The following UBE2D1 variants were observed in gnomAD, a reference collection of about 807,000 sequenced individuals.
The protein encoded by UBE2D1 is ubiquitin conjugating enzyme E2 D1, also known as ubiquitin-conjugating enzyme E2 D1.
Under a neutral mutation model 24.6 loss-of-function variants are expected in UBE2D1, and 9 were observed. That is an observed-to-expected ratio of 0.37 (90% CI 0.22 to 0.64). UBE2D1 has a LOEUF of 0.64. Among genes scored for constraint, UBE2D1 ranks in the 30% least tolerant of loss-of-function variants. The pLI is 0.64. For synonymous variants in UBE2D1, 57 were observed against 57.6 expected, an observed-to-expected ratio of 0.99 and a Z score of 0.04; for missense variants, 87 against 177.1, an observed-to-expected ratio of 0.49 and a Z score of 2.89.
intron 1 of UBE2D1, among the ~76,000 whole-genome samples, chr10:58,342,672 T>A (rs1254880716): frequency 6.6e-6 from 1 of 151,992 alleles, no homozygotes; most frequent in Non-Finnish European, 1.5e-5. Flanking sequence ...TCTTTGACCC[T>A]TGGATTATTT....
intron 1 of UBE2D1, among the ~76,000 whole-genome samples, chr10:58,352,236 C>T (rs1231159175): frequency 6.6e-6 from 1 of 151,976 alleles, no homozygotes; most frequent in Non-Finnish European, 1.5e-5. Flanking sequence ...AAAGTGGAAG[C>T]ACTTTTGTTT....
chr10:58,368,942 A>G lies in UBE2D1; in HGVS notation c.*177A>G. 7.7e-6 allele frequency: 3 copies of G among 387,748 alleles called. No individual in the cohort carries two copies. The highest frequency in any genetic ancestry group is 3.8e-5 in the East Asian group (1 of 26,514). 24.0% of individuals were successfully genotyped at this position (387,748 alleles called of 1,614,324 possible). A position where few individuals can be genotyped will look rare whatever the true frequency, so the allele number is the denominator to read the frequency against. ...ACAAACTTCCAAAAATACCCTTAAG[A>G]CTGTGATGAGAGCATTTATCATTTT... is the stretch of plus-strand genomic sequence containing the variant. On this transcript the variant is annotated 3_prime_UTR_variant, in exon 7 of 7. Coordinates refer to ENST00000373910, the MANE Select transcript of UBE2D1 (RefSeq NM_003338.5).
chr10:58,359,174 GTT>G (rs1043824951), intron 1 of UBE2D1, among the ~76,000 whole-genome samples: 3 of 151,970 alleles, frequency 2.0e-5, no homozygotes, highest in Admixed American at 6.6e-5. Flanking sequence ...CCTCCTTCTT[GTT>G]TGTCTCTATT....
Position 58,355,159 on chromosome 10 carries a change from AT to A in UBE2D1, c.25-6177del, listed in dbSNP as rs1329569202. ...GATAACATCTGAGTTTTATTATGAAATTAATTTTGATCTCATAGACTTCCTG... is the reference window on the plus strand; with the variant it reads ...GATAACATCTGAGTTTTATTATGAAATAATTTTGATCTCATAGACTTCCTG... On this transcript the variant is annotated intron_variant, in intron 1 of 6. Coordinates refer to ENST00000373910, the MANE Select transcript of UBE2D1 (RefSeq NM_003338.5). Among the ~76,000 whole-genome samples, 6 of 152,328 alleles carry A rather than the reference AT, an allele frequency of 3.9e-5. No individual in the cohort carries two copies. In the East Asian group the frequency reaches 1.2e-3, roughly 29 times the overall value.
intron 4 of UBE2D1, 62 bp downstream of exon 4, chr10:58,363,748 C>A: frequency 1.6e-6 from 2 of 1,253,286 alleles, no homozygotes; most frequent in Non-Finnish European, 2.3e-6. Context: ...TTATCTAGAG[C>A]TCATTTGATT....
chr10:58,363,742 C>T (rs1840225296), intron 4 of UBE2D1, 56 bp downstream of exon 4: 13 of 1,314,788 alleles, frequency 9.9e-6, no homozygotes, highest in Non-Finnish European at 7.5e-6. Context: ...TATTCTTTAT[C>T]TAGAGCTCAT....
chr10:58,364,058 A>G (rs907709053), intron 4 of UBE2D1, among the ~76,000 whole-genome samples: 3 of 151,760 alleles, frequency 2.0e-5, no homozygotes, highest in South Asian at 2.1e-4. Flanking sequence ...TTCAATAAAC[A>G]TTCACCGAGT....
rs1239585092 is a variant in UBE2D1 at position 58,361,373 on chromosome 10, C to T, written c.60C>T (p.His20=). The change falls in exon 2 of 7, where the codon CAC becomes CAT. Residue 20 remains histidine (H), a synonymous_variant. Coordinates refer to ENST00000373910, the MANE Select transcript of UBE2D1 (RefSeq NM_003338.5). ...LSDLQRDPPA[H]CSAGPVGDDL... ...ATCTACAGCGCGATCCACCTGCTCA[C>T]TGTTCAGCTGGACCTGTGGGAGATG... 4 of 1,614,184 alleles carry T rather than the reference C, an allele frequency of 2.5e-6. No individual in the cohort carries two copies. The South Asian group carries it at 4.4e-5, about 18-fold the overall frequency.
intron 1 of UBE2D1, among the ~76,000 whole-genome samples, chr10:58,346,240 G>A (rs1840014792): frequency 6.6e-6 from 1 of 151,922 alleles, no homozygotes. Context: ...TCGAACCCCT[G>A]ACCTCAAATG....
chr10:58,345,946 A>C (rs928988338), intron 1 of UBE2D1, among the ~76,000 whole-genome samples: 4 of 152,152 alleles, frequency 2.6e-5, no homozygotes, highest in Admixed American at 6.5e-5. Context: ...TGTGCTGAGA[A>C]ATATGTACTT....
intron 1 of UBE2D1, among the ~76,000 whole-genome samples, chr10:58,354,710 C>G (rs1332508556): frequency 6.6e-6 from 1 of 152,086 alleles, no homozygotes; most frequent in Non-Finnish European, 1.5e-5. Context: ...TGGTACATGC[C>G]TGTAGTCCCA....
At chr10:58,355,364 G>A (rs1380802184) in intron 1 of UBE2D1, among the ~76,000 whole-genome samples, 1 of 152,174 alleles carries the variant, frequency 6.6e-6, no homozygotes, top group African/African-American at 2.4e-5. Context: ...TGAAATAAAA[G>A]GAGCTGTGCT....
intron 1 of UBE2D1, among the ~76,000 whole-genome samples, chr10:58,350,942 T>C (rs1449067598): frequency 2.0e-5 from 3 of 152,238 alleles, no homozygotes; most frequent in East Asian, 1.9e-4. Flanking sequence ...GTGCTGATAC[T>C]GTAGGCAATT....
intron 1 of UBE2D1, among the ~76,000 whole-genome samples, chr10:58,337,748 T>C (rs1839918263): frequency 1.3e-5 from 2 of 151,998 alleles, no homozygotes; most frequent in South Asian, 4.1e-4. Flanking sequence ...CTCAGATCGG[T>C]TGGGGTGGAA....
chr10:58,368,702 C>G lies in UBE2D1; in HGVS notation c.399-18C>G. 1 of 1,547,408 alleles carries G rather than the reference C, an allele frequency of 6.5e-7. No homozygotes were observed. The highest frequency in any genetic ancestry group is 8.8e-7 in the Non-Finnish European group (1 of 1,142,656). Reference sequence around the variant, plus strand: ...TAATTTTGTATGTTTTTACTATATCCTTTTTGTGTATCTACAGATACAACA... The same window carrying G: ...TAATTTTGTATGTTTTTACTATATCGTTTTTGTGTATCTACAGATACAACA... On this transcript the variant is annotated intron_variant, in intron 6 of 6. Coordinates refer to ENST00000373910, the MANE Select transcript of UBE2D1 (RefSeq NM_003338.5).
At chr10:58,367,018 T>C (rs1164434302) in intron 5 of UBE2D1, among the ~76,000 whole-genome samples, 1 of 152,178 alleles carries the variant, frequency 6.6e-6, no homozygotes, top group Non-Finnish European at 1.5e-5. Context: ...ATTGGGCAGA[T>C]AGAAGATAAG....
intron 1 of UBE2D1, among the ~76,000 whole-genome samples, chr10:58,342,544 TTCTTC>T (rs904125972): frequency 2.0e-5 from 3 of 152,166 alleles, no homozygotes; most frequent in Non-Finnish European, 2.9e-5. Flanking sequence ...GGGTTCATTT[TTCTTC>T]TCTTCTCTTA....
chr10:58,361,389 G>C lies in UBE2D1; in HGVS notation c.76G>C (p.Val26Leu), dbSNP rs1351481373. ...DPPAHCSAGP[V>L]GDDLFHWQAT... is the part of the protein sequence containing the mutation. The stretch of plus-strand genomic sequence containing the variant: ...ACCTGCTCACTGTTCAGCTGGACCT[G>C]TGGGAGATGACTGTAAGCCTTGCTC... The change falls in exon 2 of 7, where the codon GTG (valine) becomes CTG (leucine). Residue 26 changes from valine to leucine, a missense_variant. Coordinates refer to ENST00000373910, the MANE Select transcript of UBE2D1 (RefSeq NM_003338.5). 1.2e-6 allele frequency: 2 copies of C among 1,614,100 alleles called. No individual in the cohort carries two copies. Among genetic ancestry groups the C allele is most frequent in the African/African-American group, 2.7e-5 (2 of 74,938 alleles).
chr10:58,347,838 G>A (rs1840033467), intron 1 of UBE2D1, among the ~76,000 whole-genome samples: 1 of 151,876 alleles, frequency 6.6e-6, no homozygotes, highest in Admixed American at 6.6e-5. Flanking sequence ...TAGTAGAGAC[G>A]AGATTTCACC....
Sources: allele counts gnomAD v4.1 joint callset (sites outside exome capture counted in the v4.1 genomes callset), GRCh38; gene constraint gnomAD v4.1.1; transcripts MANE v1.5; gene names NCBI Gene and HGNC (gene_info 2026-07-23, HGNC 2026-07-21).